DDC: variants seen among roughly 807,000 people sequenced by gnomAD.
The protein encoded by DDC is aromatic-L-amino-acid decarboxylase.
In DDC, 43 loss-of-function variants were observed where a neutral mutation model predicts 60.0. That is an observed-to-expected ratio of 0.72 (90% CI 0.56 to 0.92). DDC has a LOEUF of 0.92. DDC is among the 40% of genes least tolerant of loss of function. DDC has a pLI of 0.00. For synonymous variants in DDC, 232 were observed against 234.6 expected (o/e 0.99, Z 0.10); for missense variants, 573 against 620.2 (o/e 0.92, Z 0.81).
chr7:50,483,003 C>CT (rs200562033), intron 9 of DDC, among the ~76,000 whole-genome samples: 6,332 of 147,508 alleles, frequency 0.043, 241 homozygotes, highest in African/African-American at 0.11. Context: ...ACTTCTTTAT[C>CT]TTTTTTTTTT....
Position 50,540,004 on chromosome 7 carries a change from A to T in DDC, c.226T>A (p.Phe76Ile). 1 of 1,613,912 alleles carries T rather than the reference A, an allele frequency of 6.2e-7. No homozygotes were observed. Among genetic ancestry groups the T allele is most frequent in the Non-Finnish European group, 8.5e-7 (1 of 1,179,890 alleles). Residue 76 changes from phenylalanine to isoleucine, a missense_variant, in exon 3 of 15, where the codon TTC becomes ATC. Physicochemically the swap from Phe to Ile is conservative, Grantham distance 21. Coordinates refer to ENST00000444124, the MANE Select transcript of DDC (RefSeq NM_001082971.2). ...PGVTHWHSPY[F>I]FAYFPTASSY... ...CTGGCAGTGGGGAAGTAGGCGAAGA[A>T]GTAGGGGCTGTGCCAGTGCGTCACC...
intron 1 of DDC, among the ~76,000 whole-genome samples, chr7:50,560,744 A>T (rs2045325284): frequency 6.6e-6 from 1 of 152,196 alleles, no homozygotes; most frequent in Non-Finnish European, 1.5e-5. Context: ...AAAGTTTCAG[A>T]TTCTCTGCCT....
intron 14 of DDC, among the ~76,000 whole-genome samples, chr7:50,462,277 C>T (rs74859924): frequency 1.7e-4 from 25 of 149,892 alleles, no homozygotes; most frequent in African/African-American, 2.0e-4. Context: ...GTAGACATAC[C>T]CCAACAGGAT....
intron 4 of DDC, among the ~76,000 whole-genome samples, chr7:50,536,162 A>G (rs1315237479): frequency 6.6e-6 from 1 of 152,184 alleles, no homozygotes. Context: ...CTGCCCACTG[A>G]GATAGCTGCA....
intron 11 of DDC, among the ~76,000 whole-genome samples, chr7:50,472,901 G>C (rs905869420): frequency 6.6e-6 from 1 of 152,102 alleles, no homozygotes; most frequent in African/African-American, 2.4e-5. Context: ...CTTCTCCCCA[G>C]ACTGATGGAT....
chr7:50,538,502 T>C lies in DDC; in HGVS notation c.316-523A>G, dbSNP rs77836467. On this transcript the variant is annotated intron_variant, in intron 3 of 14. Coordinates refer to ENST00000444124, the MANE Select transcript of DDC (RefSeq NM_001082971.2). Reference sequence around the variant, plus strand: ...CTCCAACATAAGGGGTCCAAGATGTTCTCGTGCCTAGATGTGCACAGCAAC... The same window carrying C: ...CTCCAACATAAGGGGTCCAAGATGTCCTCGTGCCTAGATGTGCACAGCAAC... Among the ~76,000 whole-genome samples the C allele has an allele frequency of 1.7e-4, 26 of 152,326 alleles. No homozygotes were observed. In the East Asian group the frequency reaches 5.0e-3, roughly 29 times the overall value.
intron 11 of DDC, among the ~76,000 whole-genome samples, chr7:50,472,187 C>T (rs1026333445): frequency 6.6e-6 from 1 of 152,152 alleles, no homozygotes; most frequent in Non-Finnish European, 1.5e-5. Flanking sequence ...ACTAAGTTCC[C>T]AGAGGAAAGG....
At chr7:50,538,195 C>G (rs1299678580) in intron 3 of DDC, among the ~76,000 whole-genome samples, 1 of 152,160 alleles carries the variant, frequency 6.6e-6, no homozygotes, top group Non-Finnish European at 1.5e-5. Flanking sequence ...CCTTACTCCA[C>G]TGAGCCTCAC....
intron 9 of DDC, among the ~76,000 whole-genome samples, chr7:50,482,529 T>C (rs1301414050): frequency 6.6e-6 from 1 of 152,182 alleles, no homozygotes; most frequent in Admixed American, 6.5e-5. Context: ...GTGGTTACTT[T>C]ACACACACAC....
chr7:50,548,262 G>A (rs754662138), intron 1 of DDC, among the ~76,000 whole-genome samples: 1 of 152,202 alleles, frequency 6.6e-6, no homozygotes, highest in Admixed American at 6.5e-5. Flanking sequence ...GACAGGAAGA[G>A]TAGGTAGTAT....
chr7:50,559,313 G>C (rs537332819), intron 1 of DDC, among the ~76,000 whole-genome samples: 3 of 152,120 alleles, frequency 2.0e-5, no homozygotes, highest in Admixed American at 6.6e-5. Flanking sequence ...CCTTTTCTAC[G>C]AGGTCCTGTG....
intron 9 of DDC, among the ~76,000 whole-genome samples, chr7:50,480,996 C>T (rs1004415589): frequency 2.0e-5 from 3 of 152,136 alleles, no homozygotes; most frequent in Non-Finnish European, 4.4e-5. Context: ...GTGGTGACAC[C>T]ATCACAAAGC....
chr7:50,490,964 C>T (rs1292297429), intron 9 of DDC, among the ~76,000 whole-genome samples: 2 of 152,112 alleles, frequency 1.3e-5, no homozygotes, highest in Non-Finnish European at 2.9e-5. Context: ...AACTATAGTA[C>T]ATCTGTAATT....
intron 9 of DDC, among the ~76,000 whole-genome samples, chr7:50,483,258 A>G (rs1263356943): frequency 6.6e-6 from 1 of 152,190 alleles, no homozygotes; most frequent in Non-Finnish European, 1.5e-5. Flanking sequence ...ATCTAATATG[A>G]TAACTTTTTT....
chr7:50,476,855 T>C (rs923378610), intron 10 of DDC, among the ~76,000 whole-genome samples: 7 of 152,104 alleles, frequency 4.6e-5, no homozygotes, highest in Admixed American at 2.0e-4. Context: ...AAAACACAAA[T>C]TGGAAATGTT....
At position 50,544,186 on chromosome 7, in the gene DDC, C is replaced by T. The variant is rs546832347; in HGVS notation, c.-28-73G>A. ...TGGAAGGCGGGGATACCAAGCAAGCCGTGGGTAGGGACACCTGGGCAGTGA... is the reference window on the plus strand; with the variant it reads ...TGGAAGGCGGGGATACCAAGCAAGCTGTGGGTAGGGACACCTGGGCAGTGA... On this transcript the variant is annotated intron_variant, in intron 1 of 14. Transcript: ENST00000444124. 258 of 1,179,874 alleles carry T rather than the reference C, an allele frequency of 2.2e-4. 1 individual carries two copies. Among genetic ancestry groups the T allele is most frequent in the Non-Finnish European group, 2.8e-4 (224 of 793,274 alleles). 73.1% of individuals were successfully genotyped at this position (1,179,874 alleles called of 1,614,324 possible).
intron 9 of DDC, among the ~76,000 whole-genome samples, chr7:50,480,460 A>T (rs1269721502): frequency 6.6e-6 from 1 of 152,194 alleles, no homozygotes; most frequent in Non-Finnish European, 1.5e-5. Context: ...CTAGTAAGTT[A>T]CTGAACCTGG....
At chr7:50,464,865 C>A (rs1393624693) in intron 13 of DDC, among the ~76,000 whole-genome samples, 1 of 152,114 alleles carries the variant, frequency 6.6e-6, no homozygotes, top group Non-Finnish European at 1.5e-5. Flanking sequence ...GAGGATTAGA[C>A]CAGGAGAGAG....
intron 8 of DDC, among the ~76,000 whole-genome samples, chr7:50,495,791 C>T (rs1376810899): frequency 3.3e-5 from 5 of 152,032 alleles, no homozygotes; most frequent in African/African-American, 1.2e-4. Context: ...TAAAATGTAT[C>T]CATATTATAT....
Sources: gnomAD v4.1 joint callset for allele counts (sites outside exome capture counted in the v4.1 genomes callset) on GRCh38, gnomAD v4.1.1 for gene constraint, MANE v1.5 for transcripts, NCBI Gene and HGNC (gene_info 2026-07-23, HGNC 2026-07-21) for gene names.